Variants in TRPM2 observed in about 807,000 individuals in gnomAD.
TRPM2 encodes estrogen-responsive element-associated gene 1 protein.
A neutral mutation model predicts 174.0 loss-of-function variants in TRPM2; 161 were observed. The ratio of observed to expected loss-of-function variants is 0.93; its 90% CI spans 0.81 to 1.05. TRPM2 has a LOEUF of 1.05. Among genes scored for constraint, TRPM2 ranks in the 50% least tolerant of loss-of-function variants. The pLI is 0.00. For synonymous variants in TRPM2, 954 were observed against 861.3 expected (o/e 1.11, Z -1.88); for missense variants, 2,057 against 2,038.0 (o/e 1.01, Z -0.18).
rs143434691 is a variant in TRPM2 at position 44,356,531 on chromosome 21, AT to A, written c.254+1813del. Among the ~76,000 whole-genome samples the A allele has an allele frequency of 4.0e-3, 544 of 137,606 alleles. 1 individual carries two copies. Among genetic ancestry groups the A allele is most frequent in the African/African-American group, 6.1e-3 (228 of 37,504 alleles). The allele number at this position is 137,606 out of a possible 152,430, so 90.3% of individuals were successfully genotyped here. ...CAGCCCTGAGGGCTGCTGCTTGGCT[AT>A]TTTTTTTTTTTTTTTTTGAGACGGG... On this transcript the variant is annotated intron_variant, in intron 2 of 31. Coordinates refer to ENST00000397928, the MANE Select transcript of TRPM2 (RefSeq NM_003307.4).
Position 44,405,161 on chromosome 21 carries a change from A to C in TRPM2, c.2558A>C (p.Glu853Ala). 6.2e-7 allele frequency: 1 copy of C among 1,613,456 alleles called. No individual in the cohort carries two copies. Among genetic ancestry groups the C allele is most frequent in the Non-Finnish European group, 8.5e-7 (1 of 1,179,934 alleles). ...CAGTAGCTCTTCTATGACCCTGACG[A>C]GTGCGGGCTGATGAAGAAGGCAGCC... The part of the protein sequence containing the change: ...EMRQLFYDPD[E>A]CGLMKKAALY... Residue 853 changes from glutamate (E) to alanine (A), a missense_variant, in exon 17 of 32, where the codon GAG becomes GCG. Transcript: ENST00000397928.
intron 27 of TRPM2, among the ~76,000 whole-genome samples, chr21:44,431,954 C>A (rs2051040539): frequency 6.6e-6 from 1 of 152,156 alleles, no homozygotes; most frequent in African/African-American, 2.4e-5. Flanking sequence ...TAACCCCTAA[C>A]CTTAACCCTA....
intron 5 of TRPM2, among the ~76,000 whole-genome samples, chr21:44,371,935 C>G (rs1266212407): frequency 1.3e-5 from 2 of 152,056 alleles, no homozygotes; most frequent in Non-Finnish European, 2.9e-5. Flanking sequence ...AAGTTCAAGA[C>G]CAGCTTGGCC....
chr21:44,376,007 A>G lies in TRPM2; in HGVS notation c.946A>G (p.Arg316Gly). 1 of 1,613,014 alleles carries G rather than the reference A, an allele frequency of 6.2e-7. No individual in the cohort carries two copies. Among genetic ancestry groups the G allele is most frequent in the Non-Finnish European group, 8.5e-7 (1 of 1,179,128 alleles). ...EKFISEQTKE[R>G]GGVAIKIPIV... ...GTTCATATCGGAGCAGACCAAGGAA[A>G]GAGGAGGTAGGGGAGCTTGCTTTCG... The change falls in exon 6 of 32, where the codon AGA (arginine) becomes GGA (glycine). Residue 316 changes from arginine (R) to glycine (G), a missense_variant. Physicochemically the swap from Arg to Gly is moderately radical, Grantham distance 125. Coordinates refer to ENST00000397928, the MANE Select transcript of TRPM2 (RefSeq NM_003307.4). This position sits in a 1 kb window ranked among gnomAD's most constrained non-coding sequence, Gnocchi z 4.2.
intron 18 of TRPM2, 46 bp downstream of exon 18, chr21:44,406,083 G>C (rs774353502): frequency 6.3e-7 from 1 of 1,594,884 alleles, no homozygotes. Flanking sequence ...GCAGCCCAGG[G>C]TGGGCCTCGG....
At chr21:44,431,844 G>T (rs1485439896) in intron 27 of TRPM2, among the ~76,000 whole-genome samples, 1 of 152,070 alleles carries the variant, frequency 6.6e-6, no homozygotes, top group Non-Finnish European at 1.5e-5. Flanking sequence ...TGTTGGAGCG[G>T]GATTGGCAAC....
At chr21:44,417,194 G>A (rs2050323292) in intron 20 of TRPM2, among the ~76,000 whole-genome samples, 2 of 135,464 alleles carry the variant, frequency 1.5e-5, no homozygotes, top group Non-Finnish European at 3.2e-5. Flanking sequence ...GTGGGCACGT[G>A]GGCGTGGCTC....
chr21:44,409,415 GA>G lies in TRPM2; in HGVS notation c.2962+2651del, dbSNP rs201985729. Reference sequence around the variant, plus strand: ...CCATTAACATAAGGGCTTATTTCTAGAGTCTCAGTTTGACTCCACTGATGTC... The same window carrying G: ...CCATTAACATAAGGGCTTATTTCTAGGTCTCAGTTTGACTCCACTGATGTC... On this transcript the variant is annotated intron_variant, in intron 19 of 31. Coordinates refer to ENST00000397928, the MANE Select transcript of TRPM2 (RefSeq NM_003307.4). 8.6e-3 allele frequency among the ~76,000 whole-genome samples: 1,305 copies of G among 152,288 alleles called. 6 individuals carry two copies. Among genetic ancestry groups the G allele is most frequent in the Middle Eastern group, 0.027 (8 of 294 alleles).
chr21:44,362,211 T>C (rs1012775027), intron 2 of TRPM2, among the ~76,000 whole-genome samples: 1 of 151,970 alleles, frequency 6.6e-6, no homozygotes, highest in Admixed American at 6.6e-5. Context: ...CTTCTACATA[T>C]ATTGAAATGA....
Position 44,426,711 on chromosome 21 carries a change from G to A in TRPM2, c.3847G>A (p.Ala1283Thr), listed in dbSNP as rs1322095125. The A allele has an allele frequency of 5.0e-6, 8 of 1,613,966 alleles. No individual in the cohort carries two copies. The highest frequency in any genetic ancestry group is 1.3e-5 in the African/African-American group (1 of 74,914). Residue 1283 changes from alanine to threonine, a missense_variant, in exon 26 of 32, where the codon GCG (alanine) becomes ACG (threonine). Transcript: ENST00000397928. ...CTTTTACACGGCAGAGAGGAAGGAC[G>A]CGGCCGCCATGGACCCCATGGGAGA... Reference protein sequence around the residue: ...PPFYTAERKDAAAMDPMGDTL... With the variant: ...PPFYTAERKDTAAMDPMGDTL...
In TRPM2 at chr21:44,439,951, C is replaced by A. The variant is rs903125658; in HGVS notation, c.4269+783C>A. ...TTGCCCAGGCTGGTCATGAACTGGG[C>A]TCAAGCGATCTGCCCACCTCAGCCT... On this transcript the variant is annotated intron_variant, in intron 30 of 31. Coordinates refer to ENST00000397928, the MANE Select transcript of TRPM2 (RefSeq NM_003307.4). This position sits in a 1 kb window ranked among gnomAD's most constrained non-coding sequence, Gnocchi z 5.1. 2.5e-4 allele frequency among the ~76,000 whole-genome samples: 38 copies of A among 152,064 alleles called. No individual in the cohort carries two copies. Among genetic ancestry groups the A allele is most frequent in the Admixed American group, 2.0e-3 (31 of 15,300 alleles).
At position 44,376,032 on chromosome 21, in the gene TRPM2, G is replaced by C; in HGVS notation, c.952+19G>C. The C allele has an allele frequency of 1.2e-6, 2 of 1,608,336 alleles. No individual in the cohort carries two copies. The highest frequency in any genetic ancestry group is 2.2e-5 in the East Asian group (1 of 44,764). On this transcript the variant is annotated intron_variant, in intron 6 of 31. Coordinates refer to ENST00000397928, the MANE Select transcript of TRPM2 (RefSeq NM_003307.4). The surrounding 1 kb of genome is among the most constrained non-coding windows in gnomAD (Gnocchi z 4.2). ...AGAGGAGGTAGGGGAGCTTGCTTTC[G>C]AGGGTGATTGGGCAGAGAGCACAGT...
chr21:44,427,685 C>T (rs550210679), intron 27 of TRPM2, among the ~76,000 whole-genome samples: 39 of 152,056 alleles, frequency 2.6e-4, no homozygotes, highest in African/African-American at 6.8e-4. Context: ...GGGGGGTTGC[C>T]GGGATGTGGG....
intron 22 of TRPM2, chr21:44,422,307 G>C (rs747405035): frequency 4.6e-6 from 7 of 1,536,006 alleles, no homozygotes; most frequent in Non-Finnish European, 4.4e-6. Context: ...GACAAGCTCT[G>C]TCTGCAAATC....
intron 20 of TRPM2, among the ~76,000 whole-genome samples, chr21:44,417,118 G>T (rs1455826110): frequency 1.5e-5 from 2 of 136,804 alleles, no homozygotes; most frequent in Non-Finnish European, 3.1e-5. Context: ...GGGCATGTGG[G>T]CATGGCTCTG....
Position 44,376,388 on chromosome 21 carries a change from C to T in TRPM2, c.952+375C>T, listed in dbSNP as rs909179570. On this transcript the variant is annotated intron_variant, in intron 6 of 31. Coordinates refer to ENST00000397928, the MANE Select transcript of TRPM2 (RefSeq NM_003307.4). This position sits in a 1 kb window ranked among gnomAD's most constrained non-coding sequence, Gnocchi z 4.2. ...GGGGCTGGCAGCTCACCTGTGTGCT[C>T]GCAGGTAATGGGCCAACCTACATTT... Among the ~76,000 whole-genome samples the T allele has an allele frequency of 7.9e-5, 12 of 152,144 alleles. No homozygotes were observed. The highest frequency in any genetic ancestry group is 1.3e-4 in the Admixed American group (2 of 15,280).
In TRPM2 at chr21:44,364,268, CAGA is replaced by C. The variant is rs2048296323; in HGVS notation, c.412_414del (p.Lys138del). The C allele has an allele frequency of 3.1e-6, 5 of 1,614,132 alleles. No individual in the cohort carries two copies. In the East Asian group the frequency reaches 1.1e-4, roughly 36 times the overall value. ...CGACATCGTCTTCACGGGCCTGAGC[CAGA>C]AGGTGAAAAAGGTTGGTTTCCATCA... On this transcript the variant is annotated inframe_deletion, in exon 3 of 32. Coordinates refer to ENST00000397928, the MANE Select transcript of TRPM2 (RefSeq NM_003307.4).
chr21:44,418,833 G>A (rs2050409696), intron 22 of TRPM2, among the ~76,000 whole-genome samples: 1 of 152,044 alleles, frequency 6.6e-6, no homozygotes, highest in Admixed American at 6.5e-5. Context: ...GGGCAGGTTG[G>A]CCCGCAGGAT....
In TRPM2 at chr21:44,367,789, C is replaced by G. The variant is rs1412663717; in HGVS notation, c.604+855C>G. On this transcript the variant is annotated intron_variant, in intron 4 of 31. Transcript: ENST00000397928. This position sits in a 1 kb window ranked among gnomAD's most constrained non-coding sequence, Gnocchi z 4.6. ...TGGCCTGCATGGCTCACAGAGTCCT[C>G]AGTTTCATTGTCTGCCTGGTGAGCG... is the stretch of plus-strand genomic sequence containing the variant. 6.6e-6 allele frequency among the ~76,000 whole-genome samples: 1 copy of G among 152,198 alleles called. No individual in the cohort carries two copies. The highest frequency in any genetic ancestry group is 1.5e-5 in the Non-Finnish European group (1 of 68,036).
Sources: gnomAD v4.1 joint callset for allele counts (sites outside exome capture counted in the v4.1 genomes callset) on GRCh38, gnomAD v4.1.1 for gene constraint, Gnocchi (gnomAD v3.1) non-coding constraint, MANE v1.5 for transcripts, NCBI Gene and HGNC (gene_info 2026-07-23, HGNC 2026-07-21) for gene names.